Variants in SLC9A6 observed in about 807,000 individuals in gnomAD.
SLC9A6 encodes the protein solute carrier family 9 member A6.
Under a neutral mutation model 45.3 loss-of-function variants are expected in SLC9A6, and 6 were observed. That is an observed-to-expected ratio of 0.13 (90% CI 0.07 to 0.26). The LOEUF is 0.26. SLC9A6 is among the 10% of genes least tolerant of loss of function. The pLI, the probability that SLC9A6 is intolerant of heterozygous loss-of-function variation, is 1.00. For synonymous variants in SLC9A6, 191 were observed against 187.7 expected, an observed-to-expected ratio of 1.02 and a Z score of -0.14; for missense variants, 278 against 503.7, an observed-to-expected ratio of 0.55 and a Z score of 4.29.
At chrX:136,002,828 G>A (rs949738354) in intron 7 of SLC9A6, among the ~76,000 whole-genome samples, 2 of 111,264 alleles carry the variant, frequency 1.8e-5, no homozygotes, top group Non-Finnish European at 3.8e-5. Context: ...AAAGTGCTGG[G>A]ATTACAGGCG....
chrX:136,030,283 G>A (rs1399152455), intron 15 of SLC9A6, 121 bp downstream of exon 15: 3 of 728,305 alleles, frequency 4.1e-6, no homozygotes, highest in South Asian at 4.4e-5. Flanking sequence ...CCTCAGCTTT[G>A]GAGGAATGAT....
intron 2 of SLC9A6, among the ~76,000 whole-genome samples, chrX:135,988,426 T>C (rs782466523): frequency 9.1e-6 from 1 of 109,826 alleles, no homozygotes; most frequent in Non-Finnish European, 1.9e-5. Flanking sequence ...TTCTCTCTCT[T>C]TCTTTTCTTT....
chrX:135,987,737 T>G (rs1556615137), intron 2 of SLC9A6, among the ~76,000 whole-genome samples: 1 of 111,149 alleles, frequency 9.0e-6, no homozygotes, highest in Non-Finnish European at 1.9e-5. Context: ...GGCTGTAGTT[T>G]GCCAACCCCT....
intron 3 of SLC9A6, among the ~76,000 whole-genome samples, chrX:135,997,896 T>C (rs1174623780): frequency 8.9e-6 from 1 of 112,049 alleles, no homozygotes; most frequent in Non-Finnish European, 1.9e-5. Context: ...TTTCCACAGA[T>C]AGGCCTTAAC....
chrX:136,000,483 C>G (rs782616865), intron 6 of SLC9A6, among the ~76,000 whole-genome samples: 4 of 111,002 alleles, frequency 3.6e-5, no homozygotes, highest in Non-Finnish European at 5.7e-5. Context: ...TCATTATAAG[C>G]AAGGTTCTCA....
intron 15 of SLC9A6, 181 bp downstream of exon 15, chrX:136,030,343 C>A: frequency 2.0e-6 from 1 of 488,928 alleles, no homozygotes; most frequent in Admixed American, 2.8e-5. Context: ...CCAAGTTTGC[C>A]ACAGTGCCAT....
At chrX:136,019,216 T>C (rs1354291597) in intron 11 of SLC9A6, among the ~76,000 whole-genome samples, 2 of 112,245 alleles carry the variant, frequency 1.8e-5, no homozygotes, top group African/African-American at 6.5e-5. Flanking sequence ...ACATAGAAAT[T>C]TCTTTCTTAT....
At chrX:135,997,511 G>A (rs782358287) in intron 3 of SLC9A6, among the ~76,000 whole-genome samples, 5 of 96,697 alleles carry the variant, frequency 5.2e-5, no homozygotes, top group Middle Eastern at 6.5e-3. Context: ...GAGTTCAAGC[G>A]ACTCTCCTGC....
intron 11 of SLC9A6, among the ~76,000 whole-genome samples, chrX:136,020,102 C>T (rs1556619735): frequency 9.0e-6 from 1 of 111,702 alleles, no homozygotes; most frequent in African/African-American, 3.3e-5. Flanking sequence ...ATAATGTTGA[C>T]GATAGTCTTA....
intron 11 of SLC9A6, among the ~76,000 whole-genome samples, chrX:136,019,685 C>T (rs2071087008): frequency 8.9e-6 from 1 of 112,329 alleles, no homozygotes. Context: ...TCATATGCCC[C>T]GCACTCAGTT....
At chrX:135,974,525 C>A, upstream of SLC9A6, 1 of 210,895 alleles carries the variant, frequency 4.7e-6, no homozygotes, top group South Asian at 4.0e-5. Flanking sequence ...AGGGGCGGGG[C>A]TGGGGGCGTT....
At chrX:135,991,267 T>G (rs1413169608) in intron 2 of SLC9A6, among the ~76,000 whole-genome samples, 1 of 109,315 alleles carries the variant, frequency 9.1e-6, no homozygotes, top group Admixed American at 9.9e-5. Flanking sequence ...ACTGCCTTTT[T>G]TTTTTTTTGG....
chrX:136,035,037 G>A (rs1556621655), intron 16 of SLC9A6, among the ~76,000 whole-genome samples: 1 of 111,628 alleles, frequency 9.0e-6, no homozygotes, highest in Non-Finnish European at 1.9e-5. Context: ...TAGAATAATA[G>A]CTTATTCTTC....
chrX:136,026,558 CAG>C (rs1411407231), intron 13 of SLC9A6, among the ~76,000 whole-genome samples: 1 of 107,594 alleles, frequency 9.3e-6, no homozygotes, highest in Non-Finnish European at 1.9e-5. Flanking sequence ...TTTTTTGAGA[CAG>C]AGTCTTGCTC....
At chrX:135,990,612 A>G (rs1167631487) in intron 2 of SLC9A6, among the ~76,000 whole-genome samples, 1 of 110,867 alleles carries the variant, frequency 9.0e-6, no homozygotes, top group African/African-American at 3.3e-5. Flanking sequence ...TATGTGTTTC[A>G]AATTTGCCCA....
chrX:136,018,695 G>A (rs1556619576), intron 11 of SLC9A6, among the ~76,000 whole-genome samples: 2 of 111,079 alleles, frequency 1.8e-5, no homozygotes, highest in African/African-American at 6.6e-5. Flanking sequence ...GAGCAATTGT[G>A]GTCAGTGGGA....
intron 16 of SLC9A6, among the ~76,000 whole-genome samples, chrX:136,036,817 T>C (rs1320578435): frequency 8.8e-6 from 1 of 113,274 alleles, no homozygotes; most frequent in African/African-American, 3.2e-5. Flanking sequence ...GATATTTTCC[T>C]GTTTTTTTCT....
chrX:136,046,501 C>T lies in SLC9A6; in HGVS notation c.*1777C>T, dbSNP rs1257547037. 8.9e-6 allele frequency: 1 copy of T among 112,733 alleles called. No homozygotes were observed. Among genetic ancestry groups the T allele is most frequent in the Non-Finnish European group, 1.9e-5 (1 of 53,288 alleles). 9.3% of individuals were successfully genotyped at this position (112,733 alleles called of 1,213,427 possible). On this transcript the variant is annotated 3_prime_UTR_variant, in exon 18 of 18. Transcript: ENST00000630721. Reference sequence around the variant, plus strand: ...GAGTTTGAACGTCAGTGTCACTTACCCACAAAGTTATTCAAGTTGTAAAAG... The same window carrying T: ...GAGTTTGAACGTCAGTGTCACTTACTCACAAAGTTATTCAAGTTGTAAAAG...
chrX:136,019,191 A>T (rs1488252157), intron 11 of SLC9A6, among the ~76,000 whole-genome samples: 2 of 112,337 alleles, frequency 1.8e-5, no homozygotes, highest in Non-Finnish European at 3.8e-5. Flanking sequence ...ACTCAAACTA[A>T]TCCAGGTTTA....
Sources: gnomAD v4.1 joint callset for allele counts (sites outside exome capture counted in the v4.1 genomes callset) on GRCh38, gnomAD v4.1.1 for gene constraint, MANE v1.5 for transcripts, NCBI Gene and HGNC (gene_info 2026-07-23, HGNC 2026-07-21) for gene names.